Variants in TMEM131 observed in about 807,000 individuals in gnomAD.
The protein encoded by TMEM131 is 2610524E03Rik.
In TMEM131, 66 loss-of-function variants were observed where a neutral mutation model predicts 211.6. The ratio of observed to expected loss-of-function variants is 0.31; its 90% confidence interval spans 0.26 to 0.38. TMEM131 has a LOEUF of 0.38. Among genes scored for constraint, TMEM131 ranks in the 10% least tolerant of loss-of-function variants. The probability of loss-of-function intolerance (pLI) is 1.00; values close to 1 mark genes in which losing one functional copy is unlikely to be tolerated. For synonymous variants in TMEM131, 844 were observed against 841.3 expected (o/e 1.00, Z -0.06); for missense variants, 2,036 against 2,299.3 (o/e 0.89, Z 2.34).
At chr2:97,960,625 A>G (rs1298640699) in intron 1 of TMEM131, among the ~76,000 whole-genome samples, 2 of 152,184 alleles carry the variant, frequency 1.3e-5, no homozygotes, top group East Asian at 3.8e-4. Flanking sequence ...CTTAAAAGAA[A>G]TAAGACTAAT....
chr2:97,994,399 A>G (rs1302227588), intron 1 of TMEM131, among the ~76,000 whole-genome samples: 2 of 152,270 alleles, frequency 1.3e-5, no homozygotes, highest in African/African-American at 2.4e-5. Flanking sequence ...GGACAAAAAT[A>G]AAAGAAACAG....
chr2:97,940,361 T>C (rs1677659853), intron 1 of TMEM131, among the ~76,000 whole-genome samples: 1 of 152,112 alleles, frequency 6.6e-6, no homozygotes, highest in African/African-American at 2.4e-5. Flanking sequence ...TCACAAGCAC[T>C]CCTATACACC....
Position 97,995,689 on chromosome 2 carries a change from C to A in TMEM131, c.-27G>T, listed in dbSNP as rs1433301573. ...CCTGCCGGCCGGGGGCCGCCGCGCT[C>A]GAGGTCCGGCGCGGCCCTTCTCGGC... On this transcript the variant is annotated 5_prime_UTR_variant, in exon 1 of 41. Transcript: ENST00000186436. 4.8e-5 allele frequency: 57 copies of A among 1,189,510 alleles called. No individual in the cohort carries two copies. Among genetic ancestry groups the A allele is most frequent in the Non-Finnish European group, 5.6e-5 (54 of 960,254 alleles). The allele number at this position is 1,189,510 out of a possible 1,614,324, so 73.7% of individuals were successfully genotyped here.
chr2:97,824,391 G>C (rs1457847965), intron 11 of TMEM131, among the ~76,000 whole-genome samples: 1 of 152,224 alleles, frequency 6.6e-6, no homozygotes, highest in African/African-American at 2.4e-5. Context: ...CCTTCTCAGT[G>C]TTAATCTCCT....
chr2:97,861,292 TGGGGTGCCCAAG>T (rs1231258928), intron 4 of TMEM131, among the ~76,000 whole-genome samples: 1 of 151,730 alleles, frequency 6.6e-6, no homozygotes, highest in African/African-American at 2.4e-5. Context: ...AGACATGAGC[TGGGGTGCCCAAG>T]GGAGTGCTTG....
intron 3 of TMEM131, among the ~76,000 whole-genome samples, chr2:97,902,553 CACATAA>C (rs778508714): frequency 2.4e-4 from 37 of 152,224 alleles, no homozygotes; most frequent in East Asian, 3.9e-4. Context: ...CATATTTATA[CACATAA>C]ACATAAACAT....
intron 2 of TMEM131, among the ~76,000 whole-genome samples, chr2:97,917,699 C>T (rs1327217077): frequency 6.6e-6 from 1 of 152,140 alleles, no homozygotes; most frequent in Non-Finnish European, 1.5e-5. Flanking sequence ...GGAAAAGCCC[C>T]TTATAAAACC....
chr2:97,890,437 G>A (rs1457752276), intron 3 of TMEM131, among the ~76,000 whole-genome samples: 2 of 152,144 alleles, frequency 1.3e-5, no homozygotes, highest in African/African-American at 4.8e-5. Context: ...GAGGGATCAA[G>A]GATAACTCAT....
At chr2:97,904,691 C>T (rs116365512) in intron 3 of TMEM131, among the ~76,000 whole-genome samples, 2,806 of 151,882 alleles carry the variant, frequency 0.018, 27 homozygotes, top group Middle Eastern at 0.065. Context: ...TCTATTTTTC[C>T]CATCTGCTTT....
At chr2:97,776,988 G>A (rs1362806412) in intron 31 of TMEM131, among the ~76,000 whole-genome samples, 1 of 152,218 alleles carries the variant, frequency 6.6e-6, no homozygotes, top group Non-Finnish European at 1.5e-5. Flanking sequence ...TGGACATACG[G>A]AAAGCCAACT....
At chr2:97,803,302 T>C (rs1476071409) in intron 22 of TMEM131, among the ~76,000 whole-genome samples, 1 of 152,148 alleles carries the variant, frequency 6.6e-6, no homozygotes, top group African/African-American at 2.4e-5. Flanking sequence ...ATGGCTTTTT[T>C]CCCCCTTGAT....
At position 97,759,014 on chromosome 2, in the gene TMEM131, T is replaced by C; in HGVS notation, c.5246A>G (p.Gln1749Arg). 1.2e-6 allele frequency: 2 copies of C among 1,614,070 alleles called. No individual in the cohort carries two copies. The highest frequency in any genetic ancestry group is 8.5e-7 in the Non-Finnish European group (1 of 1,179,898). ...CTCGTTCCAGCTCCTCTGTGAGGCC[T>C]GATTGCACGATCGAGATAATCCGAG... ...SKLGLSRSCN[Q>R]ASQRSWNEFN... is the part of the protein sequence containing the mutation. The change falls in exon 40 of 41, where the codon CAG (glutamine) becomes CGG (arginine). Residue 1749 changes from glutamine (Q) to arginine (R), a missense_variant. Physicochemically the swap from Gln to Arg is conservative, Grantham distance 43. Coordinates refer to ENST00000186436, the MANE Select transcript of TMEM131 (RefSeq NM_015348.2).
intron 4 of TMEM131, among the ~76,000 whole-genome samples, chr2:97,869,954 T>C (rs947845269): frequency 2.6e-4 from 39 of 152,182 alleles, no homozygotes; most frequent in African/African-American, 8.9e-4. Context: ...AGCTCAAAGT[T>C]CTTTTAAGTT....
intron 1 of TMEM131, among the ~76,000 whole-genome samples, chr2:97,966,333 C>G (rs1383691259): frequency 6.6e-6 from 1 of 151,976 alleles, no homozygotes; most frequent in African/African-American, 2.4e-5. Flanking sequence ...CCCTAAATTA[C>G]CTAATACATT....
At chr2:97,796,545 C>T (rs1368361911) in intron 27 of TMEM131, 141 bp from the exon 28 acceptor site, 1 of 664,804 alleles carries the variant, frequency 1.5e-6, no homozygotes, top group African/African-American at 1.9e-5. Context: ...AGCTGTTCCT[C>T]AGATTTCATC....
chr2:97,793,651 T>A, intron 29 of TMEM131, 98 bp from the exon 30 acceptor site: 1 of 1,225,232 alleles, frequency 8.2e-7, no homozygotes, highest in Non-Finnish European at 1.1e-6. Flanking sequence ...TAAAGTACAA[T>A]ATGATGTAAT....
At position 97,790,966 on chromosome 2, in the gene TMEM131, G is replaced by A. The variant is rs532473437; in HGVS notation, c.4144+1420C>T. On this transcript the variant is annotated intron_variant, in intron 31 of 40. Coordinates refer to ENST00000186436, the MANE Select transcript of TMEM131 (RefSeq NM_015348.2). ...AAACTCCTTGACTCTGGGATGTCAA[G>A]TTTCTTCTGGCCTCTTAGGGCTGCC... 7.2e-5 allele frequency among the ~76,000 whole-genome samples: 11 copies of A among 152,328 alleles called. No homozygotes were observed. In the South Asian group the frequency reaches 1.9e-3, roughly 26 times the overall value.
chr2:97,830,461 C>A (rs1394797047), intron 11 of TMEM131, among the ~76,000 whole-genome samples: 1 of 152,160 alleles, frequency 6.6e-6, no homozygotes, highest in African/African-American at 2.4e-5. Context: ...TGCTCAGTAA[C>A]CCTCAAGTGA....
chr2:97,883,560 C>T (rs956952141), intron 4 of TMEM131, among the ~76,000 whole-genome samples: 3 of 152,132 alleles, frequency 2.0e-5, no homozygotes, highest in Non-Finnish European at 4.4e-5. Flanking sequence ...GTTCATGACA[C>T]CGAACTGTTC....
Sources: gnomAD v4.1 joint callset for allele counts (sites outside exome capture counted in the v4.1 genomes callset) on GRCh38, gnomAD v4.1.1 for gene constraint, MANE v1.5 for transcripts, NCBI Gene and HGNC (gene_info 2026-07-23, HGNC 2026-07-21) for gene names.